The following MCC variants were observed in gnomAD, a reference collection of about 807,000 sequenced individuals.
MCC encodes the protein colorectal mutant cancer protein.
A neutral mutation model predicts 116.2 loss-of-function variants in MCC; 90 were observed. That is an observed-to-expected ratio of 0.77 (90% CI 0.65 to 0.92). The LOEUF (loss-of-function observed/expected upper bound fraction) is 0.92. MCC is among the 40% of genes least tolerant of loss of function. MCC has a pLI of 0.00. For synonymous variants in MCC, 578 were observed against 510.5 expected (o/e 1.13, Z -1.78); for missense variants, 1,516 against 1,312.2 (o/e 1.16, Z -2.40).
intron 1 of MCC, among the ~76,000 whole-genome samples, chr5:113,453,873 G>A (rs937369223): frequency 6.6e-6 from 1 of 152,180 alleles, no homozygotes; most frequent in Non-Finnish European, 1.5e-5. Context: ...CACTTTGGGA[G>A]GCTGAGGCGT....
At chr5:113,285,942 C>T (rs1000795843) in intron 3 of MCC, among the ~76,000 whole-genome samples, 1 of 152,178 alleles carries the variant, frequency 6.6e-6, no homozygotes, top group East Asian at 1.9e-4. Context: ...TAAATTCCAT[C>T]GAATGGGTAC....
chr5:113,033,455 T>C (rs989985338), intron 17 of MCC, among the ~76,000 whole-genome samples: 3 of 152,276 alleles, frequency 2.0e-5, no homozygotes, highest in African/African-American at 7.2e-5. Flanking sequence ...AGCTTACTAA[T>C]TCAAGTCACA....
intron 1 of MCC, among the ~76,000 whole-genome samples, chr5:113,444,056 G>A (rs986729263): frequency 6.6e-6 from 1 of 150,872 alleles, no homozygotes; most frequent in African/African-American, 2.5e-5. Context: ...AGTTGGCCAG[G>A]CTGTTCTCGA....
chr5:113,375,993 C>T (rs1194258363), intron 2 of MCC, among the ~76,000 whole-genome samples: 2 of 152,152 alleles, frequency 1.3e-5, no homozygotes, highest in Non-Finnish European at 2.9e-5. Flanking sequence ...AGCGAAGGCA[C>T]GTACTAGATA....
At chr5:113,085,131 TC>T (rs967357722) in intron 9 of MCC, 32 bp downstream of exon 9, 1 of 1,613,506 alleles carries the variant, frequency 6.2e-7, no homozygotes, top group African/African-American at 1.3e-5. Context: ...CAGGAGGTGT[TC>T]CCGCTCATCG....
chr5:113,132,260 A>G (rs1035060761), intron 5 of MCC, among the ~76,000 whole-genome samples: 8 of 151,532 alleles, frequency 5.3e-5, no homozygotes, highest in Admixed American at 2.0e-4. Context: ...ACCCACCTAG[A>G]TATCATGTAA....
intron 3 of MCC, among the ~76,000 whole-genome samples, chr5:113,233,963 A>G (rs1183950399): frequency 1.1e-4 from 16 of 152,222 alleles, no homozygotes; most frequent in Non-Finnish European, 2.9e-5. Flanking sequence ...TACAGTGTAT[A>G]TGCAAAAGAG....
chr5:113,162,762 G>A (rs559195457), intron 3 of MCC, among the ~76,000 whole-genome samples: 1 of 152,230 alleles, frequency 6.6e-6, no homozygotes, highest in Non-Finnish European at 1.5e-5. Flanking sequence ...GCCTCTCAAA[G>A]TGCTGGGATT....
At chr5:113,085,997 A>T (rs1354652704) in intron 8 of MCC, among the ~76,000 whole-genome samples, 2 of 152,218 alleles carry the variant, frequency 1.3e-5, no homozygotes, top group African/African-American at 2.4e-5. Context: ...GCCACTGGAT[A>T]ACTACCTTTA....
At chr5:113,102,011 T>A (rs560868906) in intron 7 of MCC, 66 bp from the exon 8 acceptor site, 1 of 1,490,316 alleles carries the variant, frequency 6.7e-7, no homozygotes, top group East Asian at 2.3e-5. Context: ...AGGAAGAAAA[T>A]AGGCTGAACA....
chr5:113,105,627 C>A (rs543388489), intron 6 of MCC, among the ~76,000 whole-genome samples: 1 of 152,278 alleles, frequency 6.6e-6, no homozygotes, highest in East Asian at 1.9e-4. Context: ...AAATCCAATT[C>A]ATCTTGTGAC....
chr5:113,238,216 A>G (rs964824668), intron 3 of MCC, among the ~76,000 whole-genome samples: 2 of 152,196 alleles, frequency 1.3e-5, no homozygotes, highest in African/African-American at 4.8e-5. Context: ...CATTAAATCA[A>G]ACTGATGAGC....
At chr5:113,232,470 A>G in intron 3 of MCC, among the ~76,000 whole-genome samples, 1 of 152,180 alleles carries the variant, frequency 6.6e-6, no homozygotes, top group Non-Finnish European at 1.5e-5. Context: ...ATCAGCTTTC[A>G]GGCATCTCCA....
chr5:113,416,845 C>T (rs573950122), intron 1 of MCC, among the ~76,000 whole-genome samples: 27 of 151,742 alleles, frequency 1.8e-4, no homozygotes, highest in African/African-American at 5.6e-4. Flanking sequence ...TAAAATAAAT[C>T]GTCAAATATA....
At chr5:113,086,699 C>T (rs972008504) in intron 8 of MCC, among the ~76,000 whole-genome samples, 4 of 152,102 alleles carry the variant, frequency 2.6e-5, no homozygotes, top group African/African-American at 9.7e-5. Context: ...GCAGTTTCAG[C>T]ATGAGAGTGC....
chr5:113,095,245 G>T (rs923147636), intron 8 of MCC, among the ~76,000 whole-genome samples: 1 of 152,114 alleles, frequency 6.6e-6, no homozygotes, highest in Non-Finnish European at 1.5e-5. Flanking sequence ...AAGGCTACAG[G>T]AAAGTGGTCT....
At chr5:113,161,560 G>T (rs1254925185) in intron 3 of MCC, among the ~76,000 whole-genome samples, 1 of 151,922 alleles carries the variant, frequency 6.6e-6, no homozygotes, top group Non-Finnish European at 1.5e-5. Context: ...AGAGACCCTA[G>T]ATTTTAATGG....
At chr5:113,289,721 G>T (rs956934123) in intron 3 of MCC, among the ~76,000 whole-genome samples, 2 of 152,174 alleles carry the variant, frequency 1.3e-5, no homozygotes, top group African/African-American at 4.8e-5. Context: ...AGCCATCTTG[G>T]AAGTAGATCC....
At position 113,468,745 on chromosome 5, in the gene MCC, T is replaced by G. The variant is rs535995836; in HGVS notation, c.170+19500A>C. Among the ~76,000 whole-genome samples the G allele has an allele frequency of 1.8e-3, 281 of 152,364 alleles. 2 individuals carry two copies. Among genetic ancestry groups the G allele is most frequent in the African/African-American group, 6.5e-3 (272 of 41,586 alleles). Reference sequence around the variant, plus strand: ...TCTTTTTCTATTGATTGGAATAGTTTCAGAAGGAATGGTACCAGCTCCTCT... The same window carrying G: ...TCTTTTTCTATTGATTGGAATAGTTGCAGAAGGAATGGTACCAGCTCCTCT... On this transcript the variant is annotated intron_variant, in intron 1 of 18. Coordinates refer to ENST00000408903, the MANE Select transcript of MCC (RefSeq NM_001085377.2).
Sources: allele counts gnomAD v4.1 joint callset (sites outside exome capture counted in the v4.1 genomes callset), GRCh38; gene constraint gnomAD v4.1.1; transcripts MANE v1.5; gene names NCBI Gene and HGNC (gene_info 2026-07-23, HGNC 2026-07-21).